ATM: variants seen among roughly 807,000 people sequenced by gnomAD.
The protein encoded by ATM is ATM serine/threonine kinase, also known as serine-protein kinase ATM.
ATM carries 308 observed loss-of-function variants against 387.0 expected under a neutral mutation model. The observed-to-expected ratio is 0.80, with a 90% CI of 0.73 to 0.87. The LOEUF (loss-of-function observed/expected upper bound fraction) is 0.87, where lower values mean the gene tolerates loss of function less well. ATM is among the 40% of genes least tolerant of loss of function. The pLI, the probability that ATM is intolerant of heterozygous loss-of-function variation, is 0.00. For missense variants in ATM, 3,312 were observed against 3,560.9 expected (o/e 0.93, Z 1.78); for synonymous variants, 1,156 against 1,187.3 (o/e 0.97, Z 0.54).
At chr11:108,267,836 C>T (rs533816707) in intron 17 of ATM, among the ~76,000 whole-genome samples, 12 of 152,202 alleles carry the variant, frequency 7.9e-5, no homozygotes, top group East Asian at 3.9e-4. Context: ...CCAGCCTGGG[C>T]GACAGAGCGA....
intron 57 of ATM, among the ~76,000 whole-genome samples, chr11:108,343,834 T>A (rs1469898658): frequency 6.6e-6 from 1 of 152,156 alleles, no homozygotes; most frequent in Admixed American, 6.5e-5. Flanking sequence ...AGTAATTTTT[T>A]ATGAAACTGA....
At chr11:108,357,501 C>CA (rs2137483152) in intron 61 of ATM, among the ~76,000 whole-genome samples, 1 of 152,324 alleles carries the variant, frequency 6.6e-6, no homozygotes, top group South Asian at 2.1e-4. Flanking sequence ...AGGGCACAGA[C>CA]AAACAAAAAG....
chr11:108,281,896 A>G (rs998901168), intron 24 of ATM, among the ~76,000 whole-genome samples: 5 of 152,114 alleles, frequency 3.3e-5, no homozygotes, highest in Non-Finnish European at 1.5e-5. Context: ...CCTAATAATC[A>G]TAAGTGTTAT....
intron 47 of ATM, chr11:108,327,415 A>C: frequency 2.1e-6 from 1 of 476,942 alleles, no homozygotes; most frequent in Non-Finnish European, 3.8e-6. Flanking sequence ...AGTACTCAAT[A>C]AATGTGACTT....
intron 56 of ATM, among the ~76,000 whole-genome samples, chr11:108,342,384 T>C (rs1358153180): frequency 6.6e-6 from 1 of 152,210 alleles, no homozygotes; most frequent in Non-Finnish European, 1.5e-5. Context: ...TAGGATAAAA[T>C]AGTATTGAAT....
At position 108,250,809 on chromosome 11, in the gene ATM, TG is replaced by T. The variant is rs758004668; in HGVS notation, c.1348del (p.Glu450AsnfsTer23). On this transcript the variant is annotated frameshift_variant, in exon 10 of 63. Coordinates refer to ENST00000675843, the MANE Select transcript of ATM (RefSeq NM_000051.4). LOFTEE classifies it high-confidence loss of function. ...CTCAGCTTCTACCCCAACAGCGACA[TG>T]GGGAACGTACACCATATGTGTTACG... ...LSQLLPQQRH[G>X]ERTPYVLRCL... 1 of 1,613,990 alleles carries T rather than the reference TG, an allele frequency of 6.2e-7. No homozygotes were observed. Among genetic ancestry groups the T allele is most frequent in the Admixed American group, 1.7e-5 (1 of 59,978 alleles).
chr11:108,297,168 A>T, intron 32 of ATM, 119 bp from the exon 33 acceptor site: 1 of 826,200 alleles, frequency 1.2e-6, no homozygotes, highest in Non-Finnish European at 1.9e-6. Flanking sequence ...CTCATGACTT[A>T]AAACCTTTTT....
intron 3 of ATM, 66 bp from the exon 4 acceptor site, chr11:108,229,112 G>C (rs1015625663): frequency 6.6e-7 from 1 of 1,519,932 alleles, no homozygotes; most frequent in Non-Finnish European, 9.0e-7. Context: ...GGCATGAACA[G>C]CTTTTGAAAT....
chr11:108,260,551 A>T (rs890175461), intron 16 of ATM, among the ~76,000 whole-genome samples: 2 of 152,224 alleles, frequency 1.3e-5, no homozygotes, highest in Non-Finnish European at 2.9e-5. Context: ...AGTCATACCA[A>T]TTTAGGCATT....
intron 55 of ATM, chr11:108,335,335 A>G (rs2086720453): frequency 7.9e-6 from 11 of 1,396,798 alleles, no homozygotes; most frequent in Non-Finnish European, 1.0e-5. Context: ...AAGTAAAAGA[A>G]TACCATTAAC....
At position 108,366,674 on chromosome 11, in the gene ATM, T is replaced by C. The variant is rs2091348051; in HGVS notation, c.*1166T>C. On this transcript the variant is annotated 3_prime_UTR_variant, in exon 63 of 63. Transcript: ENST00000675843. ...TTCTTGGCTTTAGGGTTTCCATACCTGAAGTGTAGCATAAATACTGATAGG... is the reference window on the plus strand; with the variant it reads ...TTCTTGGCTTTAGGGTTTCCATACCCGAAGTGTAGCATAAATACTGATAGG... 8.6e-6 allele frequency: 2 copies of C among 231,460 alleles called. No homozygotes were observed. Among genetic ancestry groups the C allele is most frequent in the East Asian group, 1.2e-4 (2 of 16,344 alleles). 14.3% of individuals were successfully genotyped at this position (231,460 alleles called of 1,614,324 possible).
chr11:108,245,318 A>G (rs55736206), intron 7 of ATM, among the ~76,000 whole-genome samples: 3 of 152,328 alleles, frequency 2.0e-5, no homozygotes, highest in Admixed American at 6.5e-5. Context: ...ATACTTAGAT[A>G]CTAAGGGGTC....
chr11:108,266,463 T>C (rs2081245835), intron 16 of ATM, among the ~76,000 whole-genome samples: 2 of 130,548 alleles, frequency 1.5e-5, no homozygotes, highest in African/African-American at 3.0e-5. Context: ...GGAAGGGGAA[T>C]ATCACACTCT....
At chr11:108,347,512 T>G (rs1312698962) in intron 59 of ATM, 147 bp downstream of exon 59, 1 of 683,848 alleles carries the variant, frequency 1.5e-6, no homozygotes, top group African/African-American at 1.8e-5. Flanking sequence ...GCATAAACAG[T>G]TGTCCTAGAA....
rs141175037 is a variant in ATM, at chr11:108,253,858, T to C, written c.1943T>C (p.Val648Ala). The C allele has an allele frequency of 9.3e-6, 15 of 1,613,846 alleles. No individual in the cohort carries two copies. Among genetic ancestry groups the C allele is most frequent in the Admixed American group, 1.7e-5 (1 of 59,998 alleles). Residue 648 changes from valine (V) to alanine (A), a missense_variant, in exon 13 of 63, where the codon GTA becomes GCA. Physicochemically the swap from Val to Ala is moderately conservative, Grantham distance 64. Transcript: ENST00000675843. ...KDKEELSFSEVEELFLQTTFD... is the reference protein window; with the variant it reads ...KDKEELSFSEAEELFLQTTFD... ...AAAGAAGAACTTTCATTCTCAGAAG[T>C]AGAAGAACTATTTCTTCAGACAACT...
At chr11:108,362,811 C>T (rs190131) in intron 61 of ATM, among the ~76,000 whole-genome samples, 52,820 of 98,474 alleles carry the variant, frequency 0.54, 13,863 homozygotes, top group Middle Eastern at 0.75. Context: ...GGGTGGGGGG[C>T]GGGGGGAGGG....
chr11:108,308,482 T>C (rs1369737571), intron 38 of ATM: 1 of 191,604 alleles, frequency 5.2e-6, no homozygotes, highest in Non-Finnish European at 1.1e-5. Flanking sequence ...TCTGGTAAAT[T>C]GTTTTATAGT....
intron 16 of ATM, among the ~76,000 whole-genome samples, chr11:108,259,440 C>T (rs977078680): frequency 1.3e-5 from 2 of 152,080 alleles, no homozygotes; most frequent in African/African-American, 2.4e-5. Flanking sequence ...GAGCGAAGAT[C>T]GTGCCACTGC....
chr11:108,246,897 T>C (rs945443519), intron 7 of ATM, 67 bp from the exon 8 acceptor site: 2 of 1,320,204 alleles, frequency 1.5e-6, no homozygotes, highest in Admixed American at 1.8e-5. Flanking sequence ...CTGAATAATT[T>C]TGTGGGAGCT....
Sources: allele counts gnomAD v4.1 joint callset (sites outside exome capture counted in the v4.1 genomes callset), GRCh38; gene constraint gnomAD v4.1.1; transcripts MANE v1.5; gene names NCBI Gene and HGNC (gene_info 2026-07-23, HGNC 2026-07-21).